SLC25A13: variants seen among roughly 807,000 people sequenced by gnomAD.
SLC25A13 encodes the protein electrogenic aspartate/glutamate antiporter SLC25A13, mitochondrial.
Under a neutral mutation model 85.5 loss-of-function variants are expected in SLC25A13, and 70 were observed. The ratio of observed to expected loss-of-function variants is 0.82; its 90% CI spans 0.68 to 1.00. SLC25A13 has a LOEUF of 1.00. SLC25A13 is among the 50% of genes least tolerant of loss of function. The pLI is 0.00. For synonymous variants in SLC25A13, 259 were observed against 288.7 expected (o/e 0.90, Z 1.04); for missense variants, 765 against 819.8 (o/e 0.93, Z 0.82).
intron 10 of SLC25A13, 107 bp downstream of exon 10, chr7:96,184,820 G>T: frequency 1.0e-6 from 1 of 986,370 alleles, no homozygotes; most frequent in Non-Finnish European, 1.6e-6. Context: ...AACTGGCATT[G>T]GGAAAGACTA....
intron 15 of SLC25A13, among the ~76,000 whole-genome samples, chr7:96,128,485 C>T (rs1226772926): frequency 1.3e-5 from 2 of 152,088 alleles, no homozygotes; most frequent in African/African-American, 4.8e-5. Flanking sequence ...GTAGAATACA[C>T]AAAGACCATC....
chr7:96,211,707 T>G (rs2116727850), intron 4 of SLC25A13, among the ~76,000 whole-genome samples: 1 of 152,288 alleles, frequency 6.6e-6, no homozygotes, highest in East Asian at 1.9e-4. Flanking sequence ...CAACAGATAA[T>G]GCAACAGGTT....
chr7:96,199,967 T>C (rs1262698277), intron 5 of SLC25A13, among the ~76,000 whole-genome samples: 2 of 151,948 alleles, frequency 1.3e-5, no homozygotes, highest in Admixed American at 6.6e-5. Flanking sequence ...GTTTGTGCTT[T>C]AGCCTGAGAA....
At chr7:96,221,632 C>A (rs1158579076) in intron 4 of SLC25A13, among the ~76,000 whole-genome samples, 2 of 152,150 alleles carry the variant, frequency 1.3e-5, no homozygotes. Flanking sequence ...TGCCTTCTTC[C>A]AATCCAATAC....
chr7:96,294,772 G>C (rs1799284891), intron 2 of SLC25A13, among the ~76,000 whole-genome samples: 1 of 152,106 alleles, frequency 6.6e-6, no homozygotes, highest in Non-Finnish European at 1.5e-5. Flanking sequence ...CAAATTCCTA[G>C]GCTCAAGCCA....
At chr7:96,275,670 G>A (rs1798419722) in intron 3 of SLC25A13, among the ~76,000 whole-genome samples, 1 of 151,950 alleles carries the variant, frequency 6.6e-6, no homozygotes, top group Non-Finnish European at 1.5e-5. Context: ...CTCACTCATA[G>A]ATGGGAATTG....
At chr7:96,139,280 G>A (rs780782965) in intron 14 of SLC25A13, among the ~76,000 whole-genome samples, 8 of 152,034 alleles carry the variant, frequency 5.3e-5, no homozygotes, top group Non-Finnish European at 1.2e-4. Context: ...CACTACCTGG[G>A]TAACTGAATC....
chr7:96,127,133 A>T (rs76761671), intron 15 of SLC25A13, among the ~76,000 whole-genome samples: 1 of 152,342 alleles, frequency 6.6e-6, no homozygotes, highest in African/African-American at 2.4e-5. Context: ...ACTCTGATAA[A>T]AATCATCTGG....
intron 1 of SLC25A13, among the ~76,000 whole-genome samples, chr7:96,307,208 C>T (rs1799779174): frequency 6.6e-6 from 1 of 151,626 alleles, no homozygotes; most frequent in Admixed American, 6.6e-5. Context: ...CATCACAATT[C>T]AACAACTATT....
At chr7:96,245,917 G>C (rs755959059) in intron 3 of SLC25A13, among the ~76,000 whole-genome samples, 9 of 152,098 alleles carry the variant, frequency 5.9e-5, no homozygotes, top group Non-Finnish European at 8.8e-5. Context: ...AATTAAGGCT[G>C]GATAAAAAGG....
intron 13 of SLC25A13, among the ~76,000 whole-genome samples, chr7:96,165,890 C>T (rs962686767): frequency 1.3e-5 from 2 of 152,200 alleles, no homozygotes; most frequent in Admixed American, 6.5e-5. Context: ...TATAAATTAA[C>T]TGCAACTGAA....
At chr7:96,287,302 T>C (rs115907164) in intron 2 of SLC25A13, among the ~76,000 whole-genome samples, 3,030 of 152,300 alleles carry the variant, frequency 0.02, 98 homozygotes, top group African/African-American at 0.068. Context: ...CACAAACTGC[T>C]GACTGCTGTT....
intron 2 of SLC25A13, among the ~76,000 whole-genome samples, chr7:96,293,174 TG>T (rs1407494299): frequency 6.6e-6 from 1 of 152,066 alleles, no homozygotes; most frequent in Non-Finnish European, 1.5e-5. Context: ...AAACAAGAAA[TG>T]GGGAAGGATT....
chr7:96,254,666 A>C (rs1318148139), intron 3 of SLC25A13, among the ~76,000 whole-genome samples: 1 of 151,868 alleles, frequency 6.6e-6, no homozygotes, highest in East Asian at 1.9e-4. Flanking sequence ...ACACATACAC[A>C]CTCCCTCAAA....
chr7:96,184,310 G>A lies in SLC25A13; in HGVS notation c.1144C>T (p.Leu382=), dbSNP rs762784067. 1.2e-6 allele frequency: 2 copies of A among 1,614,150 alleles called. No individual in the cohort carries two copies. The highest frequency in any genetic ancestry group is 2.2e-5 in the South Asian group (2 of 91,088). ...KNSFDCFKKV[L]RYEGFFGLYR... ...AGTCCAAAGAAGCCTTCATAGCGTA[G>A]CACTTTCTTAAAACAGTCAAAGCTG... The change falls in exon 11 of 18, where the codon CTA becomes TTA. Residue 382 remains leucine, a synonymous_variant. Transcript: ENST00000265631.
intron 4 of SLC25A13, among the ~76,000 whole-genome samples, chr7:96,224,476 C>T (rs901174441): frequency 2.0e-5 from 3 of 152,120 alleles, no homozygotes; most frequent in Non-Finnish European, 4.4e-5. Context: ...ACTATGGTTC[C>T]CCTCTATCCT....
intron 1 of SLC25A13, chr7:96,306,908 C>A: frequency 9.5e-7 from 1 of 1,048,116 alleles, no homozygotes; most frequent in Non-Finnish European, 1.5e-6. Context: ...TCTTGCCCTT[C>A]ACTTGTGTGC....
At chr7:96,281,444 C>T (rs1308782443) in intron 2 of SLC25A13, among the ~76,000 whole-genome samples, 6 of 149,968 alleles carry the variant, frequency 4.0e-5, no homozygotes, top group South Asian at 4.2e-4. Flanking sequence ...TGACAACAGA[C>T]GAATCCTAAG....
chr7:96,255,902 G>C (rs1318902472), intron 3 of SLC25A13, among the ~76,000 whole-genome samples: 2 of 152,150 alleles, frequency 1.3e-5, no homozygotes, highest in African/African-American at 4.8e-5. Flanking sequence ...AAAGCCAGAA[G>C]AGAGTAGGGG....
Sources: gnomAD v4.1 joint callset for allele counts (sites outside exome capture counted in the v4.1 genomes callset) on GRCh38, gnomAD v4.1.1 for gene constraint, MANE v1.5 for transcripts, NCBI Gene and HGNC (gene_info 2026-07-23, HGNC 2026-07-21) for gene names.